GBE1: variants seen among roughly 807,000 people sequenced by gnomAD.
GBE1 encodes 1,4-alpha-glucan branching enzyme 1.
Under a neutral mutation model 88.8 loss-of-function variants are expected in GBE1, and 70 were observed. That is an observed-to-expected ratio of 0.79 (90% CI 0.65 to 0.96). GBE1 has a LOEUF of 0.96. Ranked by LOEUF, GBE1 falls within the 40% of genes least tolerant of loss-of-function variation. The pLI is 0.00. For missense variants in GBE1, 872 were observed against 871.0 expected, an observed-to-expected ratio of 1.00 and a Z score of -0.01; for synonymous variants, 284 against 300.1, an observed-to-expected ratio of 0.95 and a Z score of 0.56.
chr3:81,497,460 G>C (rs1702515624), intron 15 of GBE1, among the ~76,000 whole-genome samples: 1 of 152,144 alleles, frequency 6.6e-6, no homozygotes, highest in African/African-American at 2.4e-5. Flanking sequence ...ATCTCTTGCT[G>C]TAGGGAAGAT....
intron 1 of GBE1, among the ~76,000 whole-genome samples, chr3:81,747,389 C>A (rs958239774): frequency 7.2e-5 from 11 of 152,062 alleles, no homozygotes; most frequent in Non-Finnish European, 1.3e-4. Flanking sequence ...ACTCTCAAAA[C>A]ACAAAAATAG....
chr3:81,500,252 G>C lies in GBE1; in HGVS notation c.1935-1025C>G, dbSNP rs1042705222. On this transcript the variant is annotated intron_variant, in intron 14 of 15. Coordinates refer to ENST00000429644, the MANE Select transcript of GBE1 (RefSeq NM_000158.4). ...CTGATAATCAGAATATTACTGAGTTGAGAAAGAGAGAAAGACTGAGATGCA... is the reference window on the plus strand; with the variant it reads ...CTGATAATCAGAATATTACTGAGTTCAGAAAGAGAGAAAGACTGAGATGCA... Among the ~76,000 whole-genome samples, 4 of 152,086 alleles carry C rather than the reference G, an allele frequency of 2.6e-5. No individual in the cohort carries two copies. In the South Asian group the frequency reaches 8.3e-4, roughly 32 times the overall value.
chr3:81,665,686 A>G lies in GBE1; in HGVS notation c.429+5152T>C, dbSNP rs571906732. Among the ~76,000 whole-genome samples, 146 of 152,318 alleles carry G rather than the reference A, an allele frequency of 9.6e-4. 1 individual carries two copies. The highest frequency in any genetic ancestry group is 3.4e-3 in the Middle Eastern group (1 of 294). On this transcript the variant is annotated intron_variant, in intron 3 of 15. Transcript: ENST00000429644. ...AATTTTAAATCTCAAGCACTTCTTT[A>G]TAATCTGTAGGCAAAGTTACAAAGG...
chr3:81,571,852 G>A (rs1703579144), intron 12 of GBE1, among the ~76,000 whole-genome samples: 1 of 152,082 alleles, frequency 6.6e-6, no homozygotes, highest in Non-Finnish European at 1.5e-5. Flanking sequence ...CTGGCAGTAA[G>A]CTATTGATAA....
chr3:81,591,379 C>T (rs1416404079), intron 8 of GBE1, among the ~76,000 whole-genome samples: 1 of 152,072 alleles, frequency 6.6e-6, no homozygotes, highest in Non-Finnish European at 1.5e-5. Context: ...GACAAATGCA[C>T]ACGCATGAGA....
intron 7 of GBE1, among the ~76,000 whole-genome samples, chr3:81,608,308 C>T (rs977583501): frequency 6.6e-6 from 1 of 152,168 alleles, no homozygotes; most frequent in African/African-American, 2.4e-5. Context: ...AGGGGAGGCA[C>T]CATCTAGTTA....
chr3:81,613,967 A>G (rs936041081), intron 7 of GBE1, among the ~76,000 whole-genome samples: 6 of 151,188 alleles, frequency 4.0e-5, no homozygotes, highest in Admixed American at 1.3e-4. Context: ...AAAACTACTG[A>G]TAGCATTCAT....
intron 14 of GBE1, among the ~76,000 whole-genome samples, chr3:81,500,867 C>T (rs1248022969): frequency 6.6e-6 from 1 of 152,156 alleles, no homozygotes; most frequent in African/African-American, 2.4e-5. Context: ...CCATGTTACT[C>T]AATGTTTAGC....
At chr3:81,616,784 A>T (rs1194120798) in intron 7 of GBE1, among the ~76,000 whole-genome samples, 1 of 152,150 alleles carries the variant, frequency 6.6e-6, no homozygotes, top group African/African-American at 2.4e-5. Flanking sequence ...ATTTGGAGAA[A>T]AATGACATCT....
chr3:81,709,819 T>C (rs955206170), intron 1 of GBE1, among the ~76,000 whole-genome samples: 2 of 152,062 alleles, frequency 1.3e-5, no homozygotes, highest in African/African-American at 2.4e-5. Context: ...AAAAGGAAAA[T>C]GCCTGAGGAT....
chr3:81,553,432 G>A (rs910704580), intron 12 of GBE1, among the ~76,000 whole-genome samples: 11 of 151,786 alleles, frequency 7.2e-5, no homozygotes, highest in African/African-American at 2.7e-4. Context: ...TTAGACTGGG[G>A]ACAGATATCC....
chr3:81,520,292 T>C (rs775390911), intron 14 of GBE1, among the ~76,000 whole-genome samples: 11 of 151,526 alleles, frequency 7.3e-5, no homozygotes, highest in Non-Finnish European at 1.3e-4. Context: ...TCACTGCATG[T>C]CTCCGCATCA....
Position 81,733,837 on chromosome 3 carries a change from C to T in GBE1, c.143+27538G>A, listed in dbSNP as rs1431710840. Among the ~76,000 whole-genome samples, 3 of 152,170 alleles carry T rather than the reference C, an allele frequency of 2.0e-5. No homozygotes were observed. Among genetic ancestry groups the T allele is most frequent in the Admixed American group, 6.5e-5 (1 of 15,268 alleles). On this transcript the variant is annotated intron_variant, in intron 1 of 15. Transcript: ENST00000429644. This position sits in a 1 kb window ranked among gnomAD's most constrained non-coding sequence, Gnocchi z 4.0. ...ATGAGCTTTATAGTCTCCTTGTTCA[C>T]ACCTATATTCCAATTATCTACAACA...
chr3:81,730,745 A>G (rs1439995984), intron 1 of GBE1, among the ~76,000 whole-genome samples: 2 of 152,210 alleles, frequency 1.3e-5, no homozygotes, highest in African/African-American at 4.8e-5. Flanking sequence ...TGTAGGAATG[A>G]AACTCTTAAA....
At chr3:81,577,103 AT>A (rs903419951) in intron 12 of GBE1, among the ~76,000 whole-genome samples, 14 of 146,908 alleles carry the variant, frequency 9.5e-5, no homozygotes, top group South Asian at 2.2e-4. Context: ...CACACCCAGC[AT>A]TTTTTTTTTC....
rs191830420 is a variant in GBE1, at chr3:81,663,490, A to G, written c.429+7348T>C. On this transcript the variant is annotated intron_variant, in intron 3 of 15. Transcript: ENST00000429644. The stretch of plus-strand genomic sequence containing the variant: ...CCACTGAAGGGCCCAACTCCAGGGG[A>G]AAACCACCTCCCTACTAGCTCTGCC... Among the ~76,000 whole-genome samples the G allele has an allele frequency of 4.4e-3, 669 of 152,240 alleles. 5 individuals are homozygous for G. The highest frequency in any genetic ancestry group is 7.8e-3 in the Non-Finnish European group (528 of 68,004).
intron 7 of GBE1, among the ~76,000 whole-genome samples, chr3:81,621,755 C>T (rs1025287009): frequency 1.3e-5 from 2 of 152,148 alleles, no homozygotes; most frequent in Non-Finnish European, 1.5e-5. Flanking sequence ...ATCACATTTC[C>T]TTAGTGAACT....
chr3:81,625,938 A>G (rs1336215338), intron 7 of GBE1, among the ~76,000 whole-genome samples: 1 of 152,228 alleles, frequency 6.6e-6, no homozygotes, highest in Admixed American at 6.5e-5. Flanking sequence ...TTTTATTTTA[A>G]AAAGCGTAAA....
At chr3:81,532,278 G>A (rs1227353895) in intron 14 of GBE1, among the ~76,000 whole-genome samples, 2 of 151,890 alleles carry the variant, frequency 1.3e-5, no homozygotes, top group African/African-American at 4.8e-5. Flanking sequence ...GACAATGGCT[G>A]GAGAGTTCTA....
Sources: gnomAD v4.1 joint callset for allele counts (sites outside exome capture counted in the v4.1 genomes callset) on GRCh38, gnomAD v4.1.1 for gene constraint, Gnocchi (gnomAD v3.1) non-coding constraint, MANE v1.5 for transcripts, NCBI Gene and HGNC (gene_info 2026-07-23, HGNC 2026-07-21) for gene names.